BLTP1: variants seen among roughly 807,000 people sequenced by gnomAD.
BLTP1 encodes the protein bridge-like lipid transfer protein family member 1, also known as fragile site-associated protein.
the BLTP1 span, chr4:122,186,099 G>A: frequency 3.0e-5 from 49 of 1,611,522 alleles, no homozygotes; most frequent in African/African-American, 3.2e-4. Flanking sequence ...GTCTATAATC[G>A]CTCGGATCTT....
chr4:122,182,902 T>C, the BLTP1 span: 1 of 985,210 alleles, frequency 1.0e-6, no homozygotes, highest in Non-Finnish European at 1.2e-6. Context: ...GTTAAAGATT[T>C]TTATCAAAAA....
At chr4:122,301,053 CAT>C in the BLTP1 span, 17 of 965,876 alleles carry the variant, frequency 1.8e-5, no homozygotes, top group Non-Finnish European at 1.8e-5. Flanking sequence ...TGTATAAACA[CAT>C]GTTTTGGTTC....
At chr4:122,187,509 C>T in the BLTP1 span, 2 of 1,610,638 alleles carry the variant, frequency 1.2e-6, no homozygotes, top group East Asian at 4.5e-5. Flanking sequence ...TCAATGTGAG[C>T]ACAGTAAGTA....
the BLTP1 span, chr4:122,207,586 T>G: frequency 6.2e-7 from 1 of 1,611,624 alleles, no homozygotes; most frequent in South Asian, 1.1e-5. Flanking sequence ...GATTTTTCTT[T>G]GCCTTTTACG....
the BLTP1 span, among the ~76,000 whole-genome samples, chr4:122,155,700 A>G: frequency 6.6e-6 from 1 of 152,186 alleles, no homozygotes; most frequent in Non-Finnish European, 1.5e-5. Flanking sequence ...TAGCAAAATT[A>G]ATTTTTTAAT....
chr4:122,168,688 G>A, the BLTP1 span, among the ~76,000 whole-genome samples: 3 of 151,830 alleles, frequency 2.0e-5, no homozygotes, highest in Non-Finnish European at 2.9e-5. Flanking sequence ...TGAAAAATAC[G>A]AGAACATTTT....
the BLTP1 span, chr4:122,348,499 T>TA: frequency 7.5e-7 from 1 of 1,341,298 alleles, no homozygotes; most frequent in African/African-American, 1.5e-5. Flanking sequence ...GCAATAAAAA[T>TA]AGTTTTTGCT....
chr4:122,329,926 C>T, the BLTP1 span, among the ~76,000 whole-genome samples: 1 of 151,914 alleles, frequency 6.6e-6, no homozygotes. Context: ...CTATTCTCTA[C>T]TTCTATGAGT....
the BLTP1 span, among the ~76,000 whole-genome samples, chr4:122,288,144 A>C: frequency 6.6e-6 from 1 of 152,162 alleles, no homozygotes; most frequent in Non-Finnish European, 1.5e-5. Flanking sequence ...AAATTGGTTT[A>C]TTAACTAATT....
chr4:122,349,409 A>G, the BLTP1 span: 12 of 1,561,426 alleles, frequency 7.7e-6, no homozygotes, highest in Non-Finnish European at 1.0e-5. The surrounding 1 kb of genome is among the most constrained non-coding windows in gnomAD (Gnocchi z 4.5). Flanking sequence ...AGTTTTTCCC[A>G]TGGACATGTC....
At chr4:122,246,870 T>C in the BLTP1 span, 1 of 1,567,932 alleles carries the variant, frequency 6.4e-7, no homozygotes, top group Non-Finnish European at 8.7e-7. Flanking sequence ...AAGCAAGCCT[T>C]GATCATCTTT....
At chr4:122,189,044 A>T in the BLTP1 span, 1 of 984,918 alleles carries the variant, frequency 1.0e-6, no homozygotes, top group Non-Finnish European at 1.2e-6. Flanking sequence ...CTGTGCACAC[A>T]AATGTGTATG....
chr4:122,207,388 G>A, the BLTP1 span: 1 of 1,394,630 alleles, frequency 7.2e-7, no homozygotes, highest in Non-Finnish European at 9.5e-7. Context: ...CATTATCTTT[G>A]TGAGACTCTC....
chr4:122,262,567 A>T, the BLTP1 span: 1 of 192,182 alleles, frequency 5.2e-6, no homozygotes, highest in Non-Finnish European at 9.6e-6. Flanking sequence ...TGTACTATAG[A>T]GTTGCAAAAC....
At chr4:122,198,492 C>A in the BLTP1 span, 1 of 943,450 alleles carries the variant, frequency 1.1e-6, no homozygotes, top group Non-Finnish European at 1.3e-6. Context: ...ACTGATGATA[C>A]ACATAGGAAA....
chr4:122,309,606 CA>C, the BLTP1 span: 1 of 841,538 alleles, frequency 1.2e-6, no homozygotes, highest in Admixed American at 2.8e-5. Context: ...TTACAGGTAA[CA>C]AACCATATTC....
At chr4:122,221,963 CA>C in the BLTP1 span, 1 of 896,174 alleles carries the variant, frequency 1.1e-6, no homozygotes, top group Non-Finnish European at 1.3e-6. Context: ...TATGAATGTT[CA>C]CATTAATTCT....
At chr4:122,301,182 T>A in the BLTP1 span, 1 of 1,201,278 alleles carries the variant, frequency 8.3e-7, no homozygotes, top group South Asian at 1.7e-5. Flanking sequence ...TAGCTAAAGA[T>A]CTCTGTATCA....
the BLTP1 span, chr4:122,195,772 A>T: frequency 2.3e-6 from 1 of 426,078 alleles, no homozygotes; most frequent in Non-Finnish European, 3.1e-6. Context: ...TTCCTTTCAT[A>T]TATTTTAATT....
Sources: gnomAD v4.1 joint callset for allele counts (sites outside exome capture counted in the v4.1 genomes callset) on GRCh38, gnomAD v4.1.1 for gene constraint, Gnocchi (gnomAD v3.1) non-coding constraint, MANE v1.5 for transcripts, NCBI Gene and HGNC (gene_info 2026-07-23, HGNC 2026-07-21) for gene names.